The following ZNF679 variants were observed in gnomAD, a reference collection of about 807,000 sequenced individuals.
The protein encoded by ZNF679 is hypothetical protein MGC42415.
Under a neutral mutation model 13.4 loss-of-function variants are expected in ZNF679, and 10 were observed. The ratio of observed to expected loss-of-function variants is 0.75; its 90% CI spans 0.46 to 1.27. The LOEUF is 1.27. ZNF679 is among the 50% of genes most tolerant of loss of function. The probability of loss-of-function intolerance (pLI) is 0.00; values close to 1 mark genes in which losing one functional copy is unlikely to be tolerated. For missense variants in ZNF679, 525 were observed against 477.8 expected (o/e 1.10, Z -0.92); for synonymous variants, 179 against 162.5 (o/e 1.10, Z -0.77).
At chr7:64,252,451 T>C (rs1484359182) in intron 2 of ZNF679, among the ~76,000 whole-genome samples, 1 of 152,238 alleles carries the variant, frequency 6.6e-6, no homozygotes, top group African/African-American at 2.4e-5. Flanking sequence ...CCTTTTGTTT[T>C]TCAGAGTGAG....
intron 1 of ZNF679, 39 bp downstream of exon 1, chr7:64,228,691 C>T (rs911375342): frequency 5.3e-5 from 8 of 152,212 alleles, no homozygotes; most frequent in Non-Finnish European, 1.0e-4. Flanking sequence ...AGTCTTAACA[C>T]TGGACAGGAT....
At chr7:64,250,521 T>G (rs1174209788) in intron 2 of ZNF679, among the ~76,000 whole-genome samples, 2 of 151,604 alleles carry the variant, frequency 1.3e-5, no homozygotes, top group Non-Finnish European at 2.9e-5. Context: ...CTGGCCGCCT[T>G]TGCCACTTAA....
chr7:64,247,974 T>C (rs1169788275), intron 1 of ZNF679, among the ~76,000 whole-genome samples: 2 of 152,154 alleles, frequency 1.3e-5, no homozygotes, highest in African/African-American at 4.8e-5. Flanking sequence ...CTGCATGTAT[T>C]AGTCCATTTT....
chr7:64,253,170 T>C (rs1322831985), intron 2 of ZNF679, among the ~76,000 whole-genome samples: 1 of 152,230 alleles, frequency 6.6e-6, no homozygotes, highest in East Asian at 1.9e-4. Context: ...TACTTTTGCT[T>C]TTCTCATTGA....
rs58504724 is a variant in ZNF679, at chr7:64,236,922, G to GAAAGA, written c.-91+8272_-91+8273insAGAAA. 1.4e-3 allele frequency among the ~76,000 whole-genome samples: 118 copies of GAAAGA among 85,386 alleles called. 1 individual carries two copies. In the South Asian group the frequency reaches 0.014, roughly 10 times the overall value. The allele number at this position is 85,386 out of a possible 152,430, so 56.0% of individuals were successfully genotyped here. On this transcript the variant is annotated intron_variant, in intron 1 of 4. Coordinates refer to ENST00000421025, the MANE Select transcript of ZNF679 (RefSeq NM_153363.3). The stretch of plus-strand genomic sequence containing the variant: ...AAAAAGAAAAAAAGAAAGAAAGAAA[G>GAAAGA]AAGAAAGAAAGAAAGAAAGAAAGAA...
At chr7:64,234,145 G>T (rs142797085) in intron 1 of ZNF679, among the ~76,000 whole-genome samples, 11 of 152,266 alleles carry the variant, frequency 7.2e-5, no homozygotes, top group African/African-American at 2.4e-4. Flanking sequence ...GACCCTTCAT[G>T]GGGACAGCAA....
intron 1 of ZNF679, among the ~76,000 whole-genome samples, chr7:64,246,457 C>T (rs548592725): frequency 1.3e-4 from 20 of 152,244 alleles, no homozygotes; most frequent in East Asian, 5.8e-4. Context: ...GGGGTGGTGG[C>T]TCATGGCTGT....
chr7:64,251,587 G>A (rs1787945081), intron 2 of ZNF679, among the ~76,000 whole-genome samples: 1 of 152,044 alleles, frequency 6.6e-6, no homozygotes, highest in African/African-American at 2.4e-5. Context: ...AGTTTTTTTG[G>A]GGGAAACCCT....
At chr7:64,230,535 G>C (rs1489881868) in intron 1 of ZNF679, among the ~76,000 whole-genome samples, 2 of 135,600 alleles carry the variant, frequency 1.5e-5, no homozygotes, top group Non-Finnish European at 3.1e-5. Flanking sequence ...GCGAGACTCC[G>C]TCTCAAAAAA....
chr7:64,235,433 CA>C (rs1787696040), intron 1 of ZNF679, among the ~76,000 whole-genome samples: 1 of 150,938 alleles, frequency 6.6e-6, no homozygotes, highest in Non-Finnish European at 1.5e-5. Flanking sequence ...AAATAAAAAA[CA>C]TAACTTTAAT....
chr7:64,246,519 T>C (rs1427262774), intron 1 of ZNF679, among the ~76,000 whole-genome samples: 2 of 152,100 alleles, frequency 1.3e-5, no homozygotes, highest in Non-Finnish European at 1.5e-5. Context: ...GGTCAGGAGT[T>C]TGAGATCAAT....
chr7:64,257,294 A>G (rs1227625365), intron 2 of ZNF679, among the ~76,000 whole-genome samples: 1 of 152,144 alleles, frequency 6.6e-6, no homozygotes, highest in African/African-American at 2.4e-5. Context: ...TTCAGCTCTA[A>G]TTAGTTTCAA....
At chr7:64,246,561 A>C (rs778460849) in intron 1 of ZNF679, among the ~76,000 whole-genome samples, 1 of 152,060 alleles carries the variant, frequency 6.6e-6, no homozygotes, top group Admixed American at 6.6e-5. Flanking sequence ...CATCTCTACT[A>C]AAAATACAAA....
chr7:64,235,455 C>T (rs1787696253), intron 1 of ZNF679, among the ~76,000 whole-genome samples: 1 of 151,830 alleles, frequency 6.6e-6, no homozygotes, highest in South Asian at 2.1e-4. Flanking sequence ...CCACAAAATA[C>T]TTGAAAAAGA....
chr7:64,264,235 CA>C (rs1436214900), intron 4 of ZNF679, among the ~76,000 whole-genome samples: 1 of 143,056 alleles, frequency 7.0e-6, no homozygotes, highest in African/African-American at 2.5e-5. Context: ...AATGTTACCA[CA>C]ATATTTTTTA....
In ZNF679 at chr7:64,266,347, A is replaced by G. The variant is rs764285502; in HGVS notation, c.714A>G (p.Lys238=). 2.5e-6 allele frequency: 4 copies of G among 1,613,568 alleles called. No homozygotes were observed. In the Admixed American group the frequency reaches 5.0e-5, roughly 20 times the overall value. Reference sequence around the variant, plus strand: ...ATAAAAGAATTCATACTGGAGAGAAACCCTACAGATGTGAGGAATGTGGCA... The same window carrying G: ...ATAAAAGAATTCATACTGGAGAGAAGCCCTACAGATGTGAGGAATGTGGCA... ...SKHKRIHTGE[K]PYRCEECGKA... Residue 238 remains lysine, a synonymous_variant, in exon 5 of 5, where the codon AAA becomes AAG. Coordinates refer to ENST00000421025, the MANE Select transcript of ZNF679 (RefSeq NM_153363.3).
chr7:64,255,694 C>T (rs1020712295), intron 2 of ZNF679, among the ~76,000 whole-genome samples: 4 of 151,990 alleles, frequency 2.6e-5, no homozygotes, highest in Admixed American at 1.3e-4. Context: ...CTGCAACCTC[C>T]GCCTCCCGGG....
intron 1 of ZNF679, among the ~76,000 whole-genome samples, chr7:64,232,674 G>A (rs1787655837): frequency 6.6e-6 from 1 of 152,108 alleles, no homozygotes; most frequent in African/African-American, 2.4e-5. Flanking sequence ...ATATTATTTG[G>A]GTGCTGGGCC....
intron 2 of ZNF679, among the ~76,000 whole-genome samples, chr7:64,254,999 C>CAAAAAAA (rs71060569): frequency 4.3e-5 from 4 of 92,084 alleles, no homozygotes; most frequent in East Asian, 3.5e-4. Flanking sequence ...GACTCCATCT[C>CAAAAAAA]AAAAAAAAAA....
Sources: allele counts gnomAD v4.1 joint callset (sites outside exome capture counted in the v4.1 genomes callset), GRCh38; gene constraint gnomAD v4.1.1; transcripts MANE v1.5; gene names NCBI Gene and HGNC (gene_info 2026-07-23, HGNC 2026-07-21).